GPC6: variants seen among roughly 807,000 people sequenced by gnomAD.
GPC6 encodes the protein glypican-6.
A neutral mutation model predicts 55.2 loss-of-function variants in GPC6; 14 were observed. The ratio of observed to expected loss-of-function variants is 0.25; its 90% CI spans 0.17 to 0.40. The LOEUF (loss-of-function observed/expected upper bound fraction) is 0.40. Ranked by LOEUF, GPC6 falls within the 10% of genes least tolerant of loss-of-function variation. GPC6 has a pLI of 1.00. For synonymous variants in GPC6, 278 were observed against 259.6 expected (o/e 1.07, Z -0.68); for missense variants, 641 against 708.5 (o/e 0.90, Z 1.08).
chr13:94,154,915 A>G (rs538881010), intron 4 of GPC6, among the ~76,000 whole-genome samples: 1 of 152,252 alleles, frequency 6.6e-6, no homozygotes, highest in Admixed American at 6.5e-5. Context: ...ATATTCAAAA[A>G]AGTACCCCCC....
intron 4 of GPC6, among the ~76,000 whole-genome samples, chr13:94,096,319 CT>C (rs775680383): frequency 0.052 from 7,158 of 138,078 alleles, 507 homozygotes; most frequent in African/African-American, 0.17. Context: ...TTTCAGGACG[CT>C]TTTTTTTTTT....
intron 2 of GPC6, among the ~76,000 whole-genome samples, chr13:93,558,895 T>C (rs1875615020): frequency 6.6e-6 from 1 of 152,174 alleles, no homozygotes; most frequent in African/African-American, 2.4e-5. Flanking sequence ...ATAACACTAT[T>C]TTTAAATAAA....
chr13:93,926,683 T>C (rs898171967), intron 3 of GPC6, among the ~76,000 whole-genome samples: 2 of 152,214 alleles, frequency 1.3e-5, no homozygotes, highest in Non-Finnish European at 2.9e-5. Context: ...TAGTGAATTG[T>C]TATGGGCTAT....
intron 6 of GPC6, among the ~76,000 whole-genome samples, chr13:94,367,185 T>C (rs1340744930): frequency 6.6e-6 from 1 of 152,242 alleles, no homozygotes; most frequent in Non-Finnish European, 1.5e-5. Context: ...GCTAAGCCTT[T>C]AAATTCCATA....
intron 1 of GPC6, among the ~76,000 whole-genome samples, chr13:93,234,831 C>CA (rs973687510): frequency 5.3e-5 from 8 of 151,756 alleles, no homozygotes; most frequent in African/African-American, 1.9e-4. Context: ...ATAATGGAGA[C>CA]AAAACTCAAT....
chr13:93,296,328 A>G (rs1386880684), intron 1 of GPC6, among the ~76,000 whole-genome samples: 1 of 152,044 alleles, frequency 6.6e-6, no homozygotes, highest in South Asian at 2.1e-4. Context: ...TTAGGTTTTC[A>G]TCTTCATTTT....
At chr13:93,780,024 C>A (rs1269209320) in intron 2 of GPC6, among the ~76,000 whole-genome samples, 1 of 151,840 alleles carries the variant, frequency 6.6e-6, no homozygotes, top group Admixed American at 6.6e-5. Context: ...AGAACCAGAC[C>A]CAATACACAT....
intron 3 of GPC6, among the ~76,000 whole-genome samples, chr13:93,943,325 T>A (rs915813840): frequency 2.0e-5 from 3 of 152,084 alleles, no homozygotes; most frequent in African/African-American, 7.2e-5. Flanking sequence ...CAAAATCAAA[T>A]GGCTCAACAG....
chr13:94,245,257 A>G (rs1306488866), intron 4 of GPC6, among the ~76,000 whole-genome samples: 1 of 151,940 alleles, frequency 6.6e-6, no homozygotes, highest in Non-Finnish European at 1.5e-5. Context: ...TTTAGATGGT[A>G]CATATAAATG....
intron 3 of GPC6, among the ~76,000 whole-genome samples, chr13:93,848,507 A>G (rs1888280962): frequency 6.6e-6 from 1 of 152,034 alleles, no homozygotes; most frequent in African/African-American, 2.4e-5. Flanking sequence ...TGGGCATCCT[A>G]CGAATATCTT....
chr13:93,686,520 T>C (rs1475082784), intron 2 of GPC6, among the ~76,000 whole-genome samples: 1 of 152,136 alleles, frequency 6.6e-6, no homozygotes, highest in African/African-American at 2.4e-5. Flanking sequence ...GGGACTAAAA[T>C]GTTTTGGTTA....
intron 1 of GPC6, among the ~76,000 whole-genome samples, chr13:93,473,459 C>T (rs1439923182): frequency 6.6e-6 from 1 of 152,160 alleles, no homozygotes; most frequent in African/African-American, 2.4e-5. Context: ...GGGGAAAGGC[C>T]AGGAAGTGAG....
chr13:93,869,884 C>A (rs919265622), intron 3 of GPC6, among the ~76,000 whole-genome samples: 3 of 151,726 alleles, frequency 2.0e-5, no homozygotes, highest in Non-Finnish European at 4.4e-5. Context: ...TGGTATACTC[C>A]ACAGCTGGTT....
chr13:93,705,745 C>T (rs757149204), intron 2 of GPC6, among the ~76,000 whole-genome samples: 2 of 151,600 alleles, frequency 1.3e-5, no homozygotes, highest in East Asian at 2.0e-4. Context: ...TCACTCTCAC[C>T]GACGTCTGTG....
intron 2 of GPC6, among the ~76,000 whole-genome samples, chr13:93,705,022 G>A (rs1033069162): frequency 1.1e-4 from 17 of 151,892 alleles, no homozygotes; most frequent in African/African-American, 2.9e-4. Context: ...ATTTGCATAC[G>A]TGGTTCCTCT....
chr13:93,748,184 G>A (rs1884464414), intron 2 of GPC6, among the ~76,000 whole-genome samples: 1 of 152,078 alleles, frequency 6.6e-6, no homozygotes, highest in South Asian at 2.1e-4. Context: ...AAATTTGATT[G>A]ATAGATCTTT....
chr13:94,218,861 A>G (rs1890299808), intron 4 of GPC6, among the ~76,000 whole-genome samples: 1 of 152,178 alleles, frequency 6.6e-6, no homozygotes, highest in Admixed American at 6.5e-5. Context: ...GGTCTGGGGT[A>G]GAATTCTAGA....
At chr13:93,616,241 T>C (rs1395119155) in intron 2 of GPC6, among the ~76,000 whole-genome samples, 1 of 152,112 alleles carries the variant, frequency 6.6e-6, no homozygotes, top group East Asian at 1.9e-4. Flanking sequence ...AAAATTGAAT[T>C]GTTATGTAAT....
intron 3 of GPC6, among the ~76,000 whole-genome samples, chr13:93,925,849 T>A (rs1877830253): frequency 1.3e-5 from 2 of 152,174 alleles, no homozygotes; most frequent in Non-Finnish European, 2.9e-5. Flanking sequence ...GTTCCTTGGA[T>A]CTTCTCCACA....
Sources: gnomAD v4.1 joint callset for allele counts (sites outside exome capture counted in the v4.1 genomes callset) on GRCh38, gnomAD v4.1.1 for gene constraint, MANE v1.5 for transcripts, NCBI Gene and HGNC (gene_info 2026-07-23, HGNC 2026-07-21) for gene names.